FRMD4A: variants seen among roughly 807,000 people sequenced by gnomAD.
FRMD4A encodes FERM domain containing 4A.
FRMD4A carries 29 observed loss-of-function variants against 129.1 expected under a neutral mutation model. That is an observed-to-expected ratio of 0.22 (90% CI 0.17 to 0.31). The LOEUF is 0.31. Ranked by LOEUF, FRMD4A falls within the 10% of genes least tolerant of loss-of-function variation. The probability of loss-of-function intolerance (pLI) is 1.00; values close to 1 mark genes in which losing one functional copy is unlikely to be tolerated. For missense variants in FRMD4A, 1,272 were observed against 1,375.8 expected (o/e 0.92, Z 1.19); for synonymous variants, 634 against 571.6 (o/e 1.11, Z -1.56).
chr10:14,246,399 ACACACAC>A (rs1844239155), intron 2 of FRMD4A, among the ~76,000 whole-genome samples: 1 of 151,938 alleles, frequency 6.6e-6, no homozygotes, highest in Non-Finnish European at 1.5e-5. Flanking sequence ...ACACACACAC[ACACACAC>A]AAGTGCACGC....
At chr10:14,276,599 A>G (rs1397787835) in intron 2 of FRMD4A, among the ~76,000 whole-genome samples, 4 of 152,214 alleles carry the variant, frequency 2.6e-5, no homozygotes, top group African/African-American at 4.8e-5. Context: ...GTTCCTGCCC[A>G]GGGAAGCCCA....
chr10:13,812,312 T>G (rs896918787), intron 3 of FRMD4A, among the ~76,000 whole-genome samples: 4 of 152,190 alleles, frequency 2.6e-5, no homozygotes, highest in African/African-American at 9.6e-5. Flanking sequence ...TAGGTTTAAA[T>G]GAGTTTATGA....
At chr10:13,747,692 C>A in intron 9 of FRMD4A, 44 bp downstream of exon 9, 1 of 1,051,224 alleles carries the variant, frequency 9.5e-7, no homozygotes. Context: ...TCCCCTCGCA[C>A]CCCGAGAGGG....
intron 12 of FRMD4A, among the ~76,000 whole-genome samples, chr10:13,717,618 T>A (rs1213834025): frequency 9.4e-3 from 2 of 212 alleles, no homozygotes; most frequent in Non-Finnish European, 0.042. Context: ...CCGGCTAAAT[T>A]TTTTTTTTTT....
chr10:14,228,837 G>C (rs1013440189), intron 2 of FRMD4A, among the ~76,000 whole-genome samples: 11 of 152,026 alleles, frequency 7.2e-5, no homozygotes, highest in Non-Finnish European at 1.5e-4. Context: ...ATCCCTCACT[G>C]TTCAAAAGCA....
At chr10:14,142,144 C>CA (rs572703596) in intron 2 of FRMD4A, among the ~76,000 whole-genome samples, 426 of 149,686 alleles carry the variant, frequency 2.8e-3, no homozygotes, top group Non-Finnish European at 5.1e-3. Flanking sequence ...CTGCTACAAA[C>CA]AAAAAAGTTT....
In FRMD4A at chr10:14,055,462, A is replaced by AACAC. The variant is rs71388155; in HGVS notation, c.46-196554_46-196551dup. Among the ~76,000 whole-genome samples, 254 of 77,498 alleles carry AACAC rather than the reference A, an allele frequency of 3.3e-3. 2 individuals are homozygous for AACAC. The highest frequency in any genetic ancestry group is 0.015 in the South Asian group (36 of 2,458). 50.8% of individuals were successfully genotyped at this position (77,498 alleles called of 152,430 possible). A position where few individuals can be genotyped will look rare whatever the true frequency, so the allele number is the denominator to read the frequency against. ...CTACACACACACACACACACACACA[A>AACAC]ACACACACACACACACACACACACA... On this transcript the variant is annotated intron_variant, in intron 2 of 24. Transcript: ENST00000357447.
chr10:14,031,441 T>C (rs146156826), intron 2 of FRMD4A, among the ~76,000 whole-genome samples: 7 of 152,312 alleles, frequency 4.6e-5, no homozygotes, highest in South Asian at 2.1e-4. Flanking sequence ...CTAATTTTTG[T>C]ATTTTTAGTA....
chr10:13,854,957 G>C (rs1343606875), intron 3 of FRMD4A, among the ~76,000 whole-genome samples: 1 of 152,158 alleles, frequency 6.6e-6, no homozygotes, highest in Non-Finnish European at 1.5e-5. Flanking sequence ...GTAAAGACGT[G>C]GGTGTCAGGA....
At chr10:13,737,792 G>A (rs1049015934) in intron 12 of FRMD4A, 52 bp downstream of exon 12, 2 of 983,820 alleles carry the variant, frequency 2.0e-6, no homozygotes, top group African/African-American at 1.6e-5. Flanking sequence ...TCCTACGCCT[G>A]TTCCTCTCTG....
intron 2 of FRMD4A, among the ~76,000 whole-genome samples, chr10:13,886,106 C>A (rs1280447432): frequency 6.6e-6 from 1 of 152,178 alleles, no homozygotes. Flanking sequence ...TCTTCCCAGG[C>A]ATGTGGCGAG....
chr10:13,715,905 CAAAAA>C (rs61600242), intron 12 of FRMD4A, among the ~76,000 whole-genome samples: 4 of 125,454 alleles, frequency 3.2e-5, no homozygotes, highest in Admixed American at 8.6e-5. Context: ...ACTCCCCCCT[CAAAAA>C]AAAAAAAAAA....
chr10:13,740,529 T>C lies in FRMD4A; in HGVS notation c.597A>G (p.Arg199=), dbSNP rs770220873. The C allele has an allele frequency of 5.0e-6, 8 of 1,589,854 alleles. No homozygotes were observed. The highest frequency in any genetic ancestry group is 6.9e-6 in the Non-Finnish European group (8 of 1,159,926). Residue 199 remains arginine, a synonymous_variant, in exon 10 of 25, where the codon AGA becomes AGG. Coordinates refer to ENST00000357447, the MANE Select transcript of FRMD4A (RefSeq NM_018027.5). The stretch of plus-strand genomic sequence containing the variant: ...CCACTTACTTTACGATTGCTTGACC[T>C]CTTGTCTGACCGTTCAGTTTCTTGT... The part of the protein sequence containing the change: ...EHYKKLNGQT[R]GQAIVNYMSI...
intron 2 of FRMD4A, among the ~76,000 whole-genome samples, chr10:13,931,711 G>T (rs550168387): frequency 1.9e-4 from 28 of 150,790 alleles, no homozygotes; most frequent in Non-Finnish European, 4.0e-4. Flanking sequence ...GCCACGGTGG[G>T]CAGATCACCT....
chr10:13,747,034 G>T (rs75210909), intron 9 of FRMD4A, among the ~76,000 whole-genome samples: 1 of 152,198 alleles, frequency 6.6e-6, no homozygotes, highest in Middle Eastern at 3.4e-3. Context: ...AAACCCTGTG[G>T]TTCTCCCACG....
intron 6 of FRMD4A, among the ~76,000 whole-genome samples, chr10:13,766,800 C>T (rs2092302436): frequency 6.6e-6 from 1 of 152,188 alleles, no homozygotes; most frequent in South Asian, 2.1e-4. Flanking sequence ...GCTGGCCGGG[C>T]ACAGTGGTTT....
At chr10:14,124,679 T>TACAACAACAACAACAACA (rs367833993) in intron 2 of FRMD4A, among the ~76,000 whole-genome samples, 5 of 151,776 alleles carry the variant, frequency 3.3e-5, no homozygotes, top group African/African-American at 1.2e-4. Flanking sequence ...TTGTCTCAAC[T>TACAACAACAACAACAACA]ACAACAACAA....
chr10:13,702,729 C>T (rs1475513792), intron 13 of FRMD4A, among the ~76,000 whole-genome samples: 2 of 151,674 alleles, frequency 1.3e-5, no homozygotes, highest in East Asian at 3.9e-4. Flanking sequence ...TTTTTCATGG[C>T]TAATTTTCCC....
intron 2 of FRMD4A, among the ~76,000 whole-genome samples, chr10:14,202,567 A>G (rs1370190849): frequency 1.3e-5 from 2 of 151,796 alleles, no homozygotes; most frequent in Non-Finnish European, 2.9e-5. Flanking sequence ...CCCCCGGCTA[A>G]TTTTTGTATT....
Sources: allele counts gnomAD v4.1 joint callset (sites outside exome capture counted in the v4.1 genomes callset), GRCh38; gene constraint gnomAD v4.1.1; transcripts MANE v1.5; gene names NCBI Gene and HGNC (gene_info 2026-07-23, HGNC 2026-07-21).